RGS7: variants seen among roughly 807,000 people sequenced by gnomAD.
RGS7 encodes the protein regulator of G protein signaling 7.
Under a neutral mutation model 81.1 loss-of-function variants are expected in RGS7, and 27 were observed. That is an observed-to-expected ratio of 0.33 (90% CI 0.25 to 0.46). RGS7 has a LOEUF of 0.46. RGS7 is among the 20% of genes least tolerant of loss of function. RGS7 has a pLI of 1.00. For missense variants in RGS7, 396 were observed against 607.4 expected (o/e 0.65, Z 3.66); for synonymous variants, 208 against 207.7 (o/e 1.00, Z -0.01).
chr1:241,225,331 T>A (rs1486619797), intron 2 of RGS7, among the ~76,000 whole-genome samples: 1 of 152,232 alleles, frequency 6.6e-6, no homozygotes. Context: ...AAATAATTTA[T>A]GCATTTCTCC....
chr1:241,097,774 T>G (rs565359081), intron 3 of RGS7, among the ~76,000 whole-genome samples: 3 of 152,164 alleles, frequency 2.0e-5, no homozygotes, highest in Non-Finnish European at 4.4e-5. Flanking sequence ...TTACTCTTCC[T>G]TGTGTCTTGG....
intron 2 of RGS7, among the ~76,000 whole-genome samples, chr1:241,272,512 T>C (rs994856004): frequency 2.6e-5 from 4 of 152,238 alleles, no homozygotes; most frequent in Non-Finnish European, 4.4e-5. Flanking sequence ...GCTCAAATTA[T>C]GGCATCTCAT....
intron 4 of RGS7, among the ~76,000 whole-genome samples, chr1:240,948,020 C>G (rs1368630751): frequency 6.6e-6 from 1 of 152,178 alleles, no homozygotes; most frequent in Non-Finnish European, 1.5e-5. Context: ...CAGAACACCC[C>G]ACTTCCTTCC....
chr1:241,068,653 T>C (rs1047969779), intron 3 of RGS7, among the ~76,000 whole-genome samples: 3 of 152,074 alleles, frequency 2.0e-5, no homozygotes, highest in African/African-American at 7.2e-5. Context: ...ACATCATCTT[T>C]TCTCGAGACA....
chr1:241,224,975 G>T (rs1196356090), intron 2 of RGS7, among the ~76,000 whole-genome samples: 1 of 151,926 alleles, frequency 6.6e-6, no homozygotes, highest in African/African-American at 2.4e-5. Flanking sequence ...TAATGTACAA[G>T]GAAAAATGTG....
chr1:240,992,777 G>A (rs1332825400), intron 3 of RGS7, among the ~76,000 whole-genome samples: 1 of 150,390 alleles, frequency 6.6e-6, no homozygotes, highest in Non-Finnish European at 1.5e-5. Flanking sequence ...ATGAGGTATT[G>A]AATGATCACG....
intron 2 of RGS7, among the ~76,000 whole-genome samples, chr1:241,161,879 G>A (rs907743871): frequency 2.0e-5 from 3 of 151,910 alleles, no homozygotes; most frequent in Non-Finnish European, 4.4e-5. Flanking sequence ...TACCACGCCT[G>A]GCTAATTTTT....
chr1:241,257,940 T>A (rs1347553609), intron 2 of RGS7, among the ~76,000 whole-genome samples: 4 of 152,154 alleles, frequency 2.6e-5, no homozygotes, highest in African/African-American at 9.7e-5. Flanking sequence ...GGTAGAATGA[T>A]GTAAATTATG....
intron 2 of RGS7, among the ~76,000 whole-genome samples, chr1:241,223,426 T>C (rs571924996): frequency 6.6e-6 from 1 of 152,302 alleles, no homozygotes; most frequent in East Asian, 1.9e-4. Context: ...CTCAGATACC[T>C]GAAATATTGC....
chr1:240,806,901 A>G (rs1447671245), intron 14 of RGS7, among the ~76,000 whole-genome samples: 1 of 152,212 alleles, frequency 6.6e-6, no homozygotes, highest in Non-Finnish European at 1.5e-5. Flanking sequence ...AGGCCTGGAC[A>G]TAAGATCAGA....
intron 6 of RGS7, among the ~76,000 whole-genome samples, chr1:240,874,515 A>G (rs1665028720): frequency 6.6e-6 from 1 of 152,226 alleles, no homozygotes; most frequent in Non-Finnish European, 1.5e-5. Flanking sequence ...GAGATAAAAA[A>G]TTAAATCTGG....
intron 2 of RGS7, among the ~76,000 whole-genome samples, chr1:241,345,103 A>G (rs1490416893): frequency 6.6e-6 from 1 of 152,210 alleles, no homozygotes; most frequent in Non-Finnish European, 1.5e-5. Context: ...AAGTAGCTGG[A>G]GGCCATGATC....
At chr1:240,791,857 C>G (rs1001747283) in intron 18 of RGS7, among the ~76,000 whole-genome samples, 12 of 152,122 alleles carry the variant, frequency 7.9e-5, no homozygotes, top group Non-Finnish European at 8.8e-5. Flanking sequence ...AAATAATGTG[C>G]AAATATTACC....
At chr1:240,901,631 T>C (rs34005210) in intron 6 of RGS7, among the ~76,000 whole-genome samples, 16,004 of 152,214 alleles carry the variant, frequency 0.11, 1,119 homozygotes, top group Middle Eastern at 0.18. Flanking sequence ...TTGTTTCTCT[T>C]TCCACTTCCT....
intron 2 of RGS7, among the ~76,000 whole-genome samples, chr1:241,156,080 G>GCACACA (rs149769224): frequency 6.9e-6 from 1 of 145,756 alleles, no homozygotes; most frequent in South Asian, 2.2e-4. Context: ...ACACACGCAC[G>GCACACA]CACACACACA....
intron 3 of RGS7, among the ~76,000 whole-genome samples, chr1:241,097,567 T>C (rs1348461273): frequency 6.6e-6 from 1 of 152,112 alleles, no homozygotes; most frequent in Non-Finnish European, 1.5e-5. Context: ...GCAACCCCTG[T>C]ACAGGAATCC....
intron 3 of RGS7, among the ~76,000 whole-genome samples, chr1:241,027,223 A>G (rs761449938): frequency 4.9e-5 from 7 of 141,582 alleles, no homozygotes; most frequent in Middle Eastern, 3.9e-3. Context: ...AAAAGAAAAG[A>G]AGAAAAAAAA....
rs3052437 is a variant in RGS7, at chr1:241,306,128, TCACACA to T, written c.78+49565_78+49570del. Among the ~76,000 whole-genome samples the T allele has an allele frequency of 2.1e-3, 318 of 149,770 alleles. 1 individual carries two copies. In the East Asian group the frequency reaches 0.028, roughly 13 times the overall value. On this transcript the variant is annotated intron_variant, in intron 2 of 18. Transcript: ENST00000440928. The stretch of plus-strand genomic sequence containing the variant: ...CTATATTCTTTCTCTCATCTCTTTT[TCACACA>T]CACACACACACACACTCACACACGT...
intron 2 of RGS7, among the ~76,000 whole-genome samples, chr1:241,290,549 A>G (rs941875274): frequency 3.3e-5 from 5 of 152,208 alleles, no homozygotes; most frequent in African/African-American, 1.2e-4. Context: ...ATTTCAAGTT[A>G]GGTTGCTTCT....
Sources: allele counts gnomAD v4.1 joint callset (sites outside exome capture counted in the v4.1 genomes callset), GRCh38; gene constraint gnomAD v4.1.1; transcripts MANE v1.5; gene names NCBI Gene and HGNC (gene_info 2026-07-23, HGNC 2026-07-21).